The following PPP1R9A variants were observed in gnomAD, a reference collection of about 807,000 sequenced individuals.
PPP1R9A encodes the protein neurabin-1.
A neutral mutation model predicts 141.9 loss-of-function variants in PPP1R9A; 59 were observed. The ratio of observed to expected loss-of-function variants is 0.42; its 90% CI spans 0.34 to 0.52. The LOEUF (loss-of-function observed/expected upper bound fraction) is 0.52, where lower values mean the gene tolerates loss of function less well. PPP1R9A is among the 20% of genes least tolerant of loss of function. PPP1R9A has a pLI of 0.10. For missense variants in PPP1R9A, 1,444 were observed against 1,611.9 expected (o/e 0.90, Z 1.78); for synonymous variants, 500 against 569.7 (o/e 0.88, Z 1.74).
chr7:95,275,575 C>T (rs1466662439), intron 16 of PPP1R9A, among the ~76,000 whole-genome samples: 1 of 151,496 alleles, frequency 6.6e-6, no homozygotes, highest in Non-Finnish European at 1.5e-5. Flanking sequence ...CATACTATGC[C>T]ACCTTCAGTT....
intron 8 of PPP1R9A, among the ~76,000 whole-genome samples, chr7:95,244,145 T>C (rs1797810374): frequency 6.6e-6 from 1 of 152,206 alleles, no homozygotes; most frequent in Non-Finnish European, 1.5e-5. Flanking sequence ...CATTCTGCTT[T>C]CCTATATGTA....
At chr7:95,137,332 G>A (rs990010002) in intron 4 of PPP1R9A, among the ~76,000 whole-genome samples, 12 of 145,146 alleles carry the variant, frequency 8.3e-5, no homozygotes, top group African/African-American at 2.6e-4. Context: ...AGAACATGGG[G>A]TGTTTGGTTT....
Position 95,269,335 on chromosome 7 carries a change from C to T in PPP1R9A, c.2952C>T (p.Phe984=). The T allele has an allele frequency of 6.3e-7, 1 of 1,598,576 alleles. No individual in the cohort carries two copies. The highest frequency in any genetic ancestry group is 8.5e-7 in the Non-Finnish European group (1 of 1,179,440). The stretch of plus-strand genomic sequence containing the variant: ...CCCCGGTGGATAGCAATGTGCCCTT[C>T]TCGTCTGACCACATAGCTGAATTTC... The part of the protein sequence containing the change: ...PLTPVDSNVP[F]SSDHIAEFQE... Residue 984 remains phenylalanine, a synonymous_variant, in exon 14 of 20, where the codon TTC becomes TTT. Coordinates refer to ENST00000433360, the MANE Select transcript of PPP1R9A (RefSeq NM_001166160.2).
chr7:95,144,874 A>G (rs992537582), intron 4 of PPP1R9A, among the ~76,000 whole-genome samples: 1 of 152,248 alleles, frequency 6.6e-6, no homozygotes, highest in Non-Finnish European at 1.5e-5. Context: ...AAATAAATTC[A>G]GCAAACTTGC....
intron 2 of PPP1R9A, chr7:95,036,273 T>TA: frequency 6.6e-6 from 1 of 152,328 alleles, no homozygotes; most frequent in East Asian, 1.9e-4. Flanking sequence ...GAAACTTTAG[T>TA]ATTAGTTCCA....
In PPP1R9A at chr7:95,279,668, C is replaced by T. The variant is rs576209340; in HGVS notation, c.3297-4350C>T. ...ACTGTTTAACTGTAGTGACTCTAAA[C>T]GTCCCAATATAGTTATCAAAGTGCT... On this transcript the variant is annotated intron_variant, in intron 16 of 19. Transcript: ENST00000433360. Among the ~76,000 whole-genome samples the T allele has an allele frequency of 8.5e-5, 12 of 141,786 alleles. No homozygotes were observed. In the South Asian group the frequency reaches 1.2e-3, roughly 15 times the overall value. 93.0% of individuals were successfully genotyped at this position (141,786 alleles called of 152,430 possible). A position where few individuals can be genotyped will look rare whatever the true frequency, so the allele number is the denominator to read the frequency against.
Position 95,005,578 on chromosome 7 carries a change from C to T in PPP1R9A, c.1395+94070C>T, listed in dbSNP as rs866229961. On this transcript the variant is annotated intron_variant, in intron 2 of 19. Transcript: ENST00000433360. ...AAATCCACAGAATGGTTTTAAATTA[C>T]AAACTCACCTTGTGAATTTAAACCT... Among the ~76,000 whole-genome samples, 10 of 152,244 alleles carry T rather than the reference C, an allele frequency of 6.6e-5. No individual in the cohort carries two copies. The South Asian group carries it at 1.2e-3, about 19-fold the overall frequency.
chr7:95,181,427 A>ATG (rs1425959284), intron 5 of PPP1R9A, among the ~76,000 whole-genome samples: 2 of 135,894 alleles, frequency 1.5e-5, no homozygotes, highest in African/African-American at 5.5e-5. Flanking sequence ...TAGAATATAG[A>ATG]GAATATATAT....
chr7:94,971,937 T>G (rs2151233614), intron 2 of PPP1R9A, among the ~76,000 whole-genome samples: 1 of 152,330 alleles, frequency 6.6e-6, no homozygotes, highest in South Asian at 2.1e-4. Flanking sequence ...GATTTAAAGC[T>G]TTGTGTTGAA....
At chr7:94,921,503 G>A (rs542766550) in intron 2 of PPP1R9A, among the ~76,000 whole-genome samples, 3 of 151,608 alleles carry the variant, frequency 2.0e-5, no homozygotes, top group South Asian at 2.1e-4. Context: ...ATTCCTTTAC[G>A]AAGTACTTGT....
chr7:95,172,602 A>G lies in PPP1R9A; in HGVS notation c.1754+10631A>G, dbSNP rs967631806. Among the ~76,000 whole-genome samples, 4 of 151,896 alleles carry G rather than the reference A, an allele frequency of 2.6e-5. No individual in the cohort carries two copies. The East Asian group carries it at 7.7e-4, about 29-fold the overall frequency. On this transcript the variant is annotated intron_variant, in intron 5 of 19. Transcript: ENST00000433360. ...TATATTGCAGACTTCCACACTTAAA[A>G]CAACAAAATATTGCTGACAGAACAC...
At chr7:94,990,095 C>T (rs1377732554) in intron 2 of PPP1R9A, among the ~76,000 whole-genome samples, 2 of 151,888 alleles carry the variant, frequency 1.3e-5, no homozygotes, top group African/African-American at 4.8e-5. Context: ...AAGGACCTAG[C>T]GAATTTAAGA....
chr7:95,178,166 G>A (rs1833176162), intron 5 of PPP1R9A, among the ~76,000 whole-genome samples: 1 of 152,056 alleles, frequency 6.6e-6, no homozygotes, highest in Non-Finnish European at 1.5e-5. Flanking sequence ...TAAGAAAATT[G>A]AAATTATGTC....
At chr7:95,286,454 T>G in intron 18 of PPP1R9A, 129 bp downstream of exon 18, 1 of 1,401,980 alleles carries the variant, frequency 7.1e-7, no homozygotes, top group Non-Finnish European at 9.4e-7. Context: ...TATGTTTAAT[T>G]TGAAGTCTTC....
chr7:95,135,168 A>T (rs971113341), intron 4 of PPP1R9A, among the ~76,000 whole-genome samples: 2 of 152,218 alleles, frequency 1.3e-5, no homozygotes, highest in Admixed American at 1.3e-4. Context: ...CATATCCTGT[A>T]TATGCATATA....
intron 5 of PPP1R9A, among the ~76,000 whole-genome samples, chr7:95,188,824 C>G (rs1232053244): frequency 6.6e-6 from 1 of 151,926 alleles, no homozygotes; most frequent in Admixed American, 6.6e-5. Flanking sequence ...GTCTTGAATT[C>G]CTGACATAGT....
chr7:95,070,606 T>TATATATATATATATATATATATAC (rs1563193449), intron 2 of PPP1R9A, among the ~76,000 whole-genome samples: 1 of 127,668 alleles, frequency 7.8e-6, no homozygotes, highest in African/African-American at 2.7e-5. Context: ...TATATATATA[T>TATATATATATATATATATATATAC]ATATACACAC....
At chr7:95,130,453 C>G (rs1051090485) in intron 4 of PPP1R9A, among the ~76,000 whole-genome samples, 3 of 152,138 alleles carry the variant, frequency 2.0e-5, no homozygotes, top group Admixed American at 6.6e-5. Flanking sequence ...GGGTGGGGCT[C>G]TCATGGAGAA....
intron 2 of PPP1R9A, among the ~76,000 whole-genome samples, chr7:95,047,728 G>C (rs913770496): frequency 2.6e-5 from 4 of 152,018 alleles, no homozygotes; most frequent in Admixed American, 2.0e-4. Context: ...GATTCATTGG[G>C]GACCACTTTA....
Sources: allele counts gnomAD v4.1 joint callset (sites outside exome capture counted in the v4.1 genomes callset), GRCh38; gene constraint gnomAD v4.1.1; transcripts MANE v1.5; gene names NCBI Gene and HGNC (gene_info 2026-07-23, HGNC 2026-07-21).